The following MSRA variants were observed in gnomAD, a reference collection of about 807,000 sequenced individuals.
MSRA encodes the protein mitochondrial peptide methionine sulfoxide reductase.
A neutral mutation model predicts 31.3 loss-of-function variants in MSRA; 54 were observed. The ratio of observed to expected loss-of-function variants is 1.73; its 90% CI spans 1.39 to 2.17. MSRA has a LOEUF of 2.17. MSRA is among the 30% of genes most tolerant of loss of function. MSRA has a pLI of 0.00. For missense variants in MSRA, 507 were observed against 300.9 expected (o/e 1.69, Z -5.07); for synonymous variants, 169 against 116.5 (o/e 1.45, Z -2.90).
chr8:10,235,160 A>T (rs1811842137), intron 2 of MSRA, among the ~76,000 whole-genome samples: 1 of 152,186 alleles, frequency 6.6e-6, no homozygotes, highest in Admixed American at 6.5e-5. Flanking sequence ...ACAAAAATTC[A>T]CCAGGTTGTA....
At chr8:10,104,486 C>T (rs901781136) in intron 1 of MSRA, among the ~76,000 whole-genome samples, 3 of 152,004 alleles carry the variant, frequency 2.0e-5, no homozygotes, top group African/African-American at 2.4e-5. Flanking sequence ...AAGGGCAGGA[C>T]AACTTGAATC....
chr8:10,350,240 T>G (rs1341164913), intron 5 of MSRA, among the ~76,000 whole-genome samples: 1 of 152,246 alleles, frequency 6.6e-6, no homozygotes, highest in Non-Finnish European at 1.5e-5. Flanking sequence ...ATAGCTCTGG[T>G]CCCCACCGTC....
chr8:10,212,796 TCA>T (rs1276761969), intron 2 of MSRA, among the ~76,000 whole-genome samples: 1 of 152,194 alleles, frequency 6.6e-6, no homozygotes. Flanking sequence ...CCCTTTGTTC[TCA>T]ATTACTGAGA....
intron 5 of MSRA, among the ~76,000 whole-genome samples, chr8:10,330,481 C>A (rs752418416): frequency 4.6e-5 from 7 of 152,116 alleles, no homozygotes; most frequent in East Asian, 1.9e-4. Context: ...CTTATTCTCC[C>A]GTCCCATGTT....
chr8:10,079,667 C>T (rs1350955367), intron 1 of MSRA, among the ~76,000 whole-genome samples: 1 of 152,100 alleles, frequency 6.6e-6, no homozygotes, highest in Admixed American at 6.5e-5. Flanking sequence ...CTTTCTTAGT[C>T]CTTCATATTT....
rs775437431 is a variant in MSRA at position 10,115,112 on chromosome 8, G to A, written c.142+60454G>A. 6.6e-5 allele frequency among the ~76,000 whole-genome samples: 10 copies of A among 152,264 alleles called. No individual in the cohort carries two copies. The Middle Eastern group carries it at 0.01, about 156-fold the overall frequency. On this transcript the variant is annotated intron_variant, in intron 1 of 5. Transcript: ENST00000317173. ...TGTATTATAGAGATGACATTGCCTCGTCAGAAGTGAAAGGATAATTTCATA... is the reference window on the plus strand; with the variant it reads ...TGTATTATAGAGATGACATTGCCTCATCAGAAGTGAAAGGATAATTTCATA...
chr8:10,070,868 T>C (rs965295424), intron 1 of MSRA, among the ~76,000 whole-genome samples: 3 of 152,252 alleles, frequency 2.0e-5, no homozygotes, highest in African/African-American at 7.2e-5. Flanking sequence ...TATTACTTGG[T>C]GTGGATGTAC....
chr8:10,066,134 A>G (rs962586470), intron 1 of MSRA, among the ~76,000 whole-genome samples: 2 of 152,052 alleles, frequency 1.3e-5, no homozygotes, highest in East Asian at 1.9e-4. Flanking sequence ...GCGATTCTCC[A>G]TACCTCAGCC....
intron 5 of MSRA, among the ~76,000 whole-genome samples, chr8:10,398,471 AG>A (rs1456880033): frequency 1.3e-5 from 2 of 152,202 alleles, no homozygotes; most frequent in Non-Finnish European, 2.9e-5. Context: ...TTTCTCCTGC[AG>A]GGGTCCCTCA....
intron 5 of MSRA, among the ~76,000 whole-genome samples, chr8:10,426,889 T>A (rs1384033008): frequency 6.6e-6 from 1 of 152,218 alleles, no homozygotes; most frequent in East Asian, 1.9e-4. Flanking sequence ...TCCTAACCCC[T>A]GCAAGAAAAC....
rs114235152 is a variant in MSRA at position 10,343,907 on chromosome 8, G to T, written c.543+23918G>T. Among the ~76,000 whole-genome samples the T allele has an allele frequency of 1.6e-3, 250 of 152,266 alleles. 1 individual carries two copies. The highest frequency in any genetic ancestry group is 5.7e-3 in the African/African-American group (238 of 41,558). ...TCAGATCCTGTTCAGACATATGTGGGTATCAATAATGAATGAATCAATTGA... is the reference window on the plus strand; with the variant it reads ...TCAGATCCTGTTCAGACATATGTGGTTATCAATAATGAATGAATCAATTGA... On this transcript the variant is annotated intron_variant, in intron 5 of 5. Coordinates refer to ENST00000317173, the MANE Select transcript of MSRA (RefSeq NM_012331.5).
At chr8:10,138,729 T>A (rs1238065643) in intron 1 of MSRA, among the ~76,000 whole-genome samples, 1 of 152,240 alleles carries the variant, frequency 6.6e-6, no homozygotes, top group African/African-American at 2.4e-5. Context: ...TTGATTTATT[T>A]CACAATTTTA....
intron 1 of MSRA, among the ~76,000 whole-genome samples, chr8:10,057,878 C>T (rs1450344464): frequency 6.6e-6 from 1 of 152,158 alleles, no homozygotes; most frequent in African/African-American, 2.4e-5. Context: ...TACCTTGTCT[C>T]AGGTAGTTCT....
At chr8:10,257,947 C>T (rs1396693198) in intron 3 of MSRA, among the ~76,000 whole-genome samples, 4 of 152,178 alleles carry the variant, frequency 2.6e-5, no homozygotes, top group Admixed American at 6.5e-5. Context: ...GAGATTTCCA[C>T]ACACACACGT....
intron 1 of MSRA, among the ~76,000 whole-genome samples, chr8:10,097,313 C>T (rs10503401): frequency 0.012 from 1,775 of 152,198 alleles, 17 homozygotes; most frequent in Non-Finnish European, 0.017. Flanking sequence ...GCCAAAATGA[C>T]AACCTTTGTT....
intron 1 of MSRA, among the ~76,000 whole-genome samples, chr8:10,173,086 C>T (rs1805741721): frequency 6.6e-6 from 1 of 152,222 alleles, no homozygotes; most frequent in Admixed American, 6.5e-5. Flanking sequence ...TGGAGGGCCA[C>T]CTTTTTCTCA....
intron 3 of MSRA, among the ~76,000 whole-genome samples, chr8:10,283,836 T>TATATATATACACACACACACACACAC (rs1261287031): frequency 1.9e-5 from 1 of 53,166 alleles, no homozygotes; most frequent in African/African-American, 8.6e-5. Context: ...TATATATATA[T>TATATATATACACACACACACACACAC]ACACACACAC....
At chr8:10,123,832 C>T (rs1157689803) in intron 1 of MSRA, among the ~76,000 whole-genome samples, 2 of 151,742 alleles carry the variant, frequency 1.3e-5, no homozygotes, top group South Asian at 4.2e-4. Context: ...TTTCTGGGCT[C>T]TCTATTCCAA....
rs1394676500 is a variant in MSRA, at chr8:10,301,576, C to T, written c.374C>T (p.Pro125Leu). The T allele has an allele frequency of 6.2e-7, 1 of 1,613,918 alleles. No homozygotes were observed. The highest frequency in any genetic ancestry group is 8.5e-7 in the Non-Finnish European group (1 of 1,180,020). ...GAAGTCGTCCGAGTGGTGTACCAGC[C>T]AGAACACATGAGTTTTGAGGAACTG... ...HAEVVRVVYQ[P>L]EHMSFEELLK... The change falls in exon 4 of 6, where the codon CCA becomes CTA. Residue 125 changes from proline to leucine, a missense_variant. By Grantham distance (98) the Pro-to-Leu change is moderately conservative. Coordinates refer to ENST00000317173, the MANE Select transcript of MSRA (RefSeq NM_012331.5).
Sources: allele counts gnomAD v4.1 joint callset (sites outside exome capture counted in the v4.1 genomes callset), GRCh38; gene constraint gnomAD v4.1.1; transcripts MANE v1.5; gene names NCBI Gene and HGNC (gene_info 2026-07-23, HGNC 2026-07-21).